PTPRD: variants seen among roughly 807,000 people sequenced by gnomAD.
PTPRD encodes the protein receptor-type tyrosine-protein phosphatase delta.
Under a neutral mutation model 214.5 loss-of-function variants are expected in PTPRD, and 34 were observed. The ratio of observed to expected loss-of-function variants is 0.16; its 90% confidence interval spans 0.12 to 0.21. The LOEUF is 0.21. Among genes scored for constraint, PTPRD ranks in the 10% least tolerant of loss-of-function variants. PTPRD has a pLI of 1.00. For missense variants in PTPRD, 2,545 were observed against 2,398.7 expected, an observed-to-expected ratio of 1.06 and a Z score of -1.27; for synonymous variants, 1,128 against 845.7, an observed-to-expected ratio of 1.33 and a Z score of -5.79.
rs149567414 is a variant in PTPRD, at chr9:8,422,285, A to G, written c.4086+14307T>C. Reference sequence around the variant, plus strand: ...CTAAAACTGCCTTATTTCTTCCCATAAGTAAAATTCCTACTTTATCACAAT... The same window carrying G: ...CTAAAACTGCCTTATTTCTTCCCATGAGTAAAATTCCTACTTTATCACAAT... On this transcript the variant is annotated intron_variant, in intron 35 of 45. Coordinates refer to ENST00000381196, the MANE Select transcript of PTPRD (RefSeq NM_002839.4). Among the ~76,000 whole-genome samples the G allele has an allele frequency of 9.4e-4, 143 of 152,206 alleles. 2 individuals carry two copies. In the East Asian group the frequency reaches 0.025, roughly 27 times the overall value.
At chr9:9,906,474 T>C (rs1002206923) in intron 5 of PTPRD, among the ~76,000 whole-genome samples, 1 of 151,986 alleles carries the variant, frequency 6.6e-6, no homozygotes, top group Non-Finnish European at 1.5e-5. Flanking sequence ...AGTAGGCAAC[T>C]GGTTGAAGCT....
At chr9:10,310,224 G>T (rs2096230930) in intron 3 of PTPRD, among the ~76,000 whole-genome samples, 2 of 151,976 alleles carry the variant, frequency 1.3e-5, no homozygotes, top group African/African-American at 4.8e-5. Flanking sequence ...TCTAAAAATG[G>T]TATGAGGAGA....
chr9:8,420,110 C>T (rs148607534), intron 35 of PTPRD, among the ~76,000 whole-genome samples: 1 of 152,186 alleles, frequency 6.6e-6, no homozygotes, highest in African/African-American at 2.4e-5. Flanking sequence ...CTCATAGCTG[C>T]ATACCAAAAT....
At chr9:8,716,019 C>A (rs1415642791) in intron 12 of PTPRD, among the ~76,000 whole-genome samples, 1 of 152,246 alleles carries the variant, frequency 6.6e-6, no homozygotes, top group Non-Finnish European at 1.5e-5. Context: ...TGCTCTTTAG[C>A]CTTAACAGGT....
chr9:9,946,533 T>C (rs1044278289), intron 4 of PTPRD, among the ~76,000 whole-genome samples: 1 of 152,168 alleles, frequency 6.6e-6, no homozygotes, highest in African/African-American at 2.4e-5. Flanking sequence ...GATCCACTTC[T>C]GATTCTGGCT....
intron 8 of PTPRD, among the ~76,000 whole-genome samples, chr9:9,556,382 G>C (rs567168324): frequency 1.1e-4 from 17 of 151,960 alleles, no homozygotes; most frequent in Non-Finnish European, 1.9e-4. Context: ...GGGGAAGGAG[G>C]CACGTTTGGT....
chr9:8,417,026 G>A (rs922150766), intron 35 of PTPRD, among the ~76,000 whole-genome samples: 1 of 151,906 alleles, frequency 6.6e-6, no homozygotes, highest in Non-Finnish European at 1.5e-5. Context: ...TTATCATGGA[G>A]CATAATTCCT....
At chr9:9,946,067 T>G (rs1307502519) in intron 4 of PTPRD, among the ~76,000 whole-genome samples, 2 of 152,170 alleles carry the variant, frequency 1.3e-5, no homozygotes, top group Non-Finnish European at 2.9e-5. Flanking sequence ...GTTGGGAAAG[T>G]CATCCTTCAC....
intron 2 of PTPRD, among the ~76,000 whole-genome samples, chr9:10,537,857 C>G (rs974633694): frequency 6.6e-6 from 1 of 152,060 alleles, no homozygotes; most frequent in Non-Finnish European, 1.5e-5. Flanking sequence ...AGATGGTTGC[C>G]AGATCAGCAC....
intron 7 of PTPRD, among the ~76,000 whole-genome samples, chr9:9,657,225 G>A (rs559138992): frequency 6.6e-6 from 1 of 151,932 alleles, no homozygotes; most frequent in African/African-American, 2.4e-5. Flanking sequence ...GTAAAAAATT[G>A]AGACAAATTA....
Position 9,227,888 on chromosome 9 carries a change from C to T in PTPRD, c.-202-44525G>A, listed in dbSNP as rs144607589. On this transcript the variant is annotated intron_variant, in intron 9 of 45. Coordinates refer to ENST00000381196, the MANE Select transcript of PTPRD (RefSeq NM_002839.4). ...CCTAATGAGGGACCCAGAGCCAGAA[C>T]CATCCAGCTAAGCTGTTCTTAAATT... 1.1e-3 allele frequency among the ~76,000 whole-genome samples: 171 copies of T among 152,244 alleles called. 1 individual carries two copies. Among genetic ancestry groups the T allele is most frequent in the African/African-American group, 4.0e-3 (165 of 41,552 alleles).
At chr9:10,549,743 T>C (rs1156775954) in intron 2 of PTPRD, among the ~76,000 whole-genome samples, 1 of 152,190 alleles carries the variant, frequency 6.6e-6, no homozygotes, top group Non-Finnish European at 1.5e-5. Flanking sequence ...GTTTGTCTTC[T>C]TCATAAAAAC....
rs370224805 is a variant in PTPRD at position 9,945,960 on chromosome 9, A to G, written c.-471-7350T>C. On this transcript the variant is annotated intron_variant, in intron 4 of 45. Coordinates refer to ENST00000381196, the MANE Select transcript of PTPRD (RefSeq NM_002839.4). ...CTATTATTGTAAAATTTAAAATGAT[A>G]CAAATTAAATGATATAAAATTTAAA... Among the ~76,000 whole-genome samples the G allele has an allele frequency of 1.6e-3, 236 of 144,110 alleles. 9 individuals carry two copies. The South Asian group carries it at 0.051, about 31-fold the overall frequency. The allele number at this position is 144,110 out of a possible 152,430, so 94.5% of individuals were successfully genotyped here. A position where few individuals can be genotyped will look rare whatever the true frequency, so the allele number is the denominator to read the frequency against.
At chr9:9,971,941 T>C (rs1358406411) in intron 4 of PTPRD, among the ~76,000 whole-genome samples, 7 of 152,130 alleles carry the variant, frequency 4.6e-5, no homozygotes, top group Non-Finnish European at 1.0e-4. Flanking sequence ...ATATTAGAAC[T>C]TCAGCTTTAG....
intron 7 of PTPRD, among the ~76,000 whole-genome samples, chr9:9,637,830 G>A (rs1045258835): frequency 6.6e-6 from 1 of 152,150 alleles, no homozygotes; most frequent in Non-Finnish European, 1.5e-5. Flanking sequence ...TTCCACCCCT[G>A]CAGTAGGTCT....
intron 11 of PTPRD, among the ~76,000 whole-genome samples, chr9:8,890,475 A>T (rs1313714726): frequency 6.6e-6 from 1 of 152,220 alleles, no homozygotes; most frequent in Non-Finnish European, 1.5e-5. Flanking sequence ...CTTGCAAGTG[A>T]CACAGAACCA....
At chr9:9,924,148 C>T (rs769202219) in intron 5 of PTPRD, among the ~76,000 whole-genome samples, 3 of 151,930 alleles carry the variant, frequency 2.0e-5, no homozygotes, top group Non-Finnish European at 2.9e-5. Context: ...AGAAACAACA[C>T]ATTGAGAGAA....
At chr9:9,754,686 AGG>A (rs566823561) in intron 6 of PTPRD, among the ~76,000 whole-genome samples, 1 of 152,180 alleles carries the variant, frequency 6.6e-6, no homozygotes, top group Middle Eastern at 3.4e-3. Flanking sequence ...TATAATTGGA[AGG>A]TTTGTTTCTT....
At chr9:8,335,980 C>T (rs1324359186) in intron 43 of PTPRD, among the ~76,000 whole-genome samples, 1 of 152,260 alleles carries the variant, frequency 6.6e-6, no homozygotes, top group South Asian at 2.1e-4. Flanking sequence ...AATGGAAGAA[C>T]ATTCCATGCT....
Sources: allele counts gnomAD v4.1 joint callset (sites outside exome capture counted in the v4.1 genomes callset), GRCh38; gene constraint gnomAD v4.1.1; transcripts MANE v1.5; gene names NCBI Gene and HGNC (gene_info 2026-07-23, HGNC 2026-07-21).